Variants in CLIC4 observed in about 807,000 individuals in gnomAD.
CLIC4 encodes the protein chloride intracellular channel protein 4.
CLIC4 carries 13 observed loss-of-function variants against 24.6 expected under a neutral mutation model. The observed-to-expected ratio is 0.53, with a 90% CI of 0.34 to 0.84. CLIC4 has a LOEUF of 0.84. Ranked by LOEUF, CLIC4 falls within the 40% of genes least tolerant of loss-of-function variation. CLIC4 has a pLI of 0.01. For missense variants in CLIC4, 227 were observed against 301.7 expected (o/e 0.75, Z 1.83); for synonymous variants, 104 against 111.3 (o/e 0.93, Z 0.41).
intron 2 of CLIC4, among the ~76,000 whole-genome samples, chr1:24,813,666 G>A (rs186589040): frequency 6.6e-5 from 10 of 151,372 alleles, no homozygotes; most frequent in Admixed American, 2.0e-4. Flanking sequence ...TGATCCACCC[G>A]CCTCGGCCTC....
intron 2 of CLIC4, among the ~76,000 whole-genome samples, chr1:24,807,740 A>T (rs1397832197): frequency 6.6e-6 from 1 of 152,196 alleles, no homozygotes; most frequent in Admixed American, 6.5e-5. Context: ...TTTAGAACTC[A>T]TATCTAACAA....
intron 1 of CLIC4, among the ~76,000 whole-genome samples, chr1:24,781,378 G>A (rs1044273749): frequency 2.0e-5 from 3 of 150,704 alleles, no homozygotes; most frequent in Admixed American, 6.6e-5. Flanking sequence ...TCCTGACCTC[G>A]TGATCCATCC....
chr1:24,838,964 T>G (rs570451264), intron 4 of CLIC4, among the ~76,000 whole-genome samples: 20 of 152,338 alleles, frequency 1.3e-4, no homozygotes, highest in Admixed American at 1.2e-3. Context: ...TTAAAGAGGC[T>G]CCCAGTTCAG....
In CLIC4 at chr1:24,747,095, ATTT is replaced by A. The variant is rs749648001; in HGVS notation, c.72+1490_72+1492del. On this transcript the variant is annotated intron_variant, in intron 1 of 5. Transcript: ENST00000374379. ...ATTTTCTTTCAATTGTCAATTTTCG[ATTT>A]TTTTTTTTTTTTTTTTTTTGGTCCA... Among the ~76,000 whole-genome samples the A allele has an allele frequency of 5.2e-4, 63 of 120,200 alleles. 1 individual carries two copies. Among genetic ancestry groups the A allele is most frequent in the African/African-American group, 1.3e-3 (43 of 32,578 alleles). The allele number at this position is 120,200 out of a possible 152,430, so 78.9% of individuals were successfully genotyped here.
At chr1:24,822,351 T>C (rs1298665607) in intron 3 of CLIC4, among the ~76,000 whole-genome samples, 30 of 141,516 alleles carry the variant, frequency 2.1e-4, no homozygotes, top group Non-Finnish European at 4.1e-4. Flanking sequence ...CTTTTTTTTT[T>C]TTTTTTTTTT....
intron 4 of CLIC4, among the ~76,000 whole-genome samples, chr1:24,838,948 A>G (rs1489873713): frequency 6.6e-6 from 1 of 152,190 alleles, no homozygotes; most frequent in African/African-American, 2.4e-5. Flanking sequence ...ATCTTAATCT[A>G]TTTGGTTAAA....
intron 1 of CLIC4, among the ~76,000 whole-genome samples, chr1:24,783,471 G>A (rs1639229973): frequency 6.6e-6 from 1 of 152,142 alleles, no homozygotes; most frequent in African/African-American, 2.4e-5. Context: ...GGAGACTGAG[G>A]CAGATGGATC....
At chr1:24,785,107 G>A (rs1352203039) in intron 1 of CLIC4, among the ~76,000 whole-genome samples, 5 of 147,024 alleles carry the variant, frequency 3.4e-5, no homozygotes, top group East Asian at 2.0e-4. Context: ...TTAAAGCATC[G>A]GGTCGTAATC....
chr1:24,823,892 C>G (rs1020551774), intron 3 of CLIC4, among the ~76,000 whole-genome samples: 1 of 151,280 alleles, frequency 6.6e-6, no homozygotes, highest in Non-Finnish European at 1.5e-5. Flanking sequence ...AGCATGGAAA[C>G]ATTCTTAGCT....
chr1:24,796,510 T>C (rs113791007), intron 1 of CLIC4, among the ~76,000 whole-genome samples: 3,093 of 152,090 alleles, frequency 0.02, 99 homozygotes, highest in African/African-American at 0.071. Flanking sequence ...TTTATTCTAC[T>C]TTTTCTATGT....
intron 3 of CLIC4, among the ~76,000 whole-genome samples, chr1:24,819,217 C>CT (rs532966258): frequency 8.5e-5 from 13 of 152,098 alleles, no homozygotes; most frequent in African/African-American, 3.1e-4. Flanking sequence ...CCTGGAGCTT[C>CT]TTTTTTTCTC....
At chr1:24,799,729 C>A (rs1639456861) in intron 2 of CLIC4, among the ~76,000 whole-genome samples, 2 of 139,420 alleles carry the variant, frequency 1.4e-5, no homozygotes, top group Admixed American at 6.9e-5. Context: ...CGGCCAGCCG[C>A]CCCGTCCGGG....
chr1:24,791,114 T>G (rs1367302703), intron 1 of CLIC4, among the ~76,000 whole-genome samples: 4 of 152,230 alleles, frequency 2.6e-5, no homozygotes, highest in Non-Finnish European at 5.9e-5. Context: ...GTGTTTCAGT[T>G]TTTATTTATT....
At chr1:24,762,523 A>G (rs1638940724) in intron 1 of CLIC4, among the ~76,000 whole-genome samples, 1 of 152,170 alleles carries the variant, frequency 6.6e-6, no homozygotes, top group African/African-American at 2.4e-5. Flanking sequence ...GGGTTGGGTA[A>G]TGGAGGAGAA....
At chr1:24,791,500 G>A (rs1399386739) in intron 1 of CLIC4, among the ~76,000 whole-genome samples, 1 of 152,190 alleles carries the variant, frequency 6.6e-6, no homozygotes, top group Non-Finnish European at 1.5e-5. Flanking sequence ...AGGACTTTGG[G>A]AGGCTGAGGT....
chr1:24,746,428 C>T (rs1009648638), intron 1 of CLIC4, among the ~76,000 whole-genome samples: 1 of 152,182 alleles, frequency 6.6e-6, no homozygotes, highest in African/African-American at 2.4e-5. Context: ...CTTCAGCTTT[C>T]ATGTGTGGAA....
At chr1:24,768,809 A>C (rs530540664) in intron 1 of CLIC4, among the ~76,000 whole-genome samples, 73 of 151,576 alleles carry the variant, frequency 4.8e-4, no homozygotes, top group African/African-American at 1.7e-3. Flanking sequence ...GCTAAGGCAG[A>C]AGAATCACTT....
intron 2 of CLIC4, among the ~76,000 whole-genome samples, chr1:24,804,388 GGGT>G (rs1223831215): frequency 2.1e-4 from 30 of 143,998 alleles, no homozygotes; most frequent in Non-Finnish European, 4.3e-4. Flanking sequence ...GCATGTGTGT[GGGT>G]GGGTGGGTGG....
intron 3 of CLIC4, among the ~76,000 whole-genome samples, chr1:24,816,295 A>G (rs1426639761): frequency 7.8e-6 from 1 of 127,534 alleles, no homozygotes; most frequent in Non-Finnish European, 1.5e-5. Flanking sequence ...GCTGGAGTGC[A>G]GTGATGCGAT....
Sources: gnomAD v4.1 joint callset for allele counts (sites outside exome capture counted in the v4.1 genomes callset) on GRCh38, gnomAD v4.1.1 for gene constraint, MANE v1.5 for transcripts, NCBI Gene and HGNC (gene_info 2026-07-23, HGNC 2026-07-21) for gene names.